The following SH3PXD2B variants were observed in gnomAD, a reference collection of about 807,000 sequenced individuals.
SH3PXD2B encodes SH3 and PX domain-containing protein 2B.
Under a neutral mutation model 73.1 loss-of-function variants are expected in SH3PXD2B, and 37 were observed. That is an observed-to-expected ratio of 0.51 (90% CI 0.39 to 0.67). The LOEUF is 0.67. Among genes scored for constraint, SH3PXD2B ranks in the 30% least tolerant of loss-of-function variants. The pLI is 0.00. For synonymous variants in SH3PXD2B, 457 were observed against 480.5 expected (o/e 0.95, Z 0.64); for missense variants, 1,053 against 1,197.8 (o/e 0.88, Z 1.78).
chr5:172,378,356 A>G (rs1441608791), intron 5 of SH3PXD2B, among the ~76,000 whole-genome samples: 1 of 152,208 alleles, frequency 6.6e-6, no homozygotes, highest in Non-Finnish European at 1.5e-5. Flanking sequence ...CCTCAGGTCC[A>G]TGTACAGGAT....
chr5:172,350,217 G>A (rs1040462567), intron 10 of SH3PXD2B, 146 bp downstream of exon 10: 6 of 731,196 alleles, frequency 8.2e-6, no homozygotes, highest in South Asian at 1.9e-5. Flanking sequence ...TAAGTTACCC[G>A]GGGTTTCTGG....
At position 172,350,493 on chromosome 5, in the gene SH3PXD2B, G is replaced by A. The variant is rs1757136025; in HGVS notation, c.882C>T (p.His294=). The A allele has an allele frequency of 6.2e-7, 1 of 1,614,190 alleles. No individual in the cohort carries two copies. Among genetic ancestry groups the A allele is most frequent in the Non-Finnish European group, 8.5e-7 (1 of 1,180,042 alleles). ...CACCATCCAAGTCAAGGGCACCCGG[G>A]TGGGAGGGTGAGCCAGGGCCTGGCT... ...PPKPGPGSPS[H]PGALDLDGVS... is the part of the protein sequence containing the mutation. The change falls in exon 10 of 13, where the codon CAC becomes CAT. Residue 294 remains histidine (H), a synonymous_variant. Coordinates refer to ENST00000311601, the MANE Select transcript of SH3PXD2B (RefSeq NM_001017995.3).
rs1756621456 is a variant in SH3PXD2B, at chr5:172,333,801, G to A, written c.*4568C>T. The A allele has an allele frequency of 7.8e-7, 1 of 1,289,094 alleles. No homozygotes were observed. The highest frequency in any genetic ancestry group is 1.0e-6 in the Non-Finnish European group (1 of 988,696). The allele number at this position is 1,289,094 out of a possible 1,614,324, so 79.9% of individuals were successfully genotyped here. ...GGAGGTAAGAAATGGCCTGTTACTT[G>A]GAAGCTCCCCAAAGCAGGAAATGTG... On this transcript the variant is annotated 3_prime_UTR_variant, in exon 13 of 13. Coordinates refer to ENST00000311601, the MANE Select transcript of SH3PXD2B (RefSeq NM_001017995.3).
chr5:172,397,254 C>T (rs367635768), intron 3 of SH3PXD2B, among the ~76,000 whole-genome samples: 46 of 152,250 alleles, frequency 3.0e-4, no homozygotes, highest in African/African-American at 7.2e-4. Context: ...AGGAAATTCC[C>T]GCCTAATAAA....
chr5:172,352,310 A>G (rs967065923), intron 9 of SH3PXD2B, among the ~76,000 whole-genome samples: 1 of 152,184 alleles, frequency 6.6e-6, no homozygotes, highest in Non-Finnish European at 1.5e-5. Flanking sequence ...TCGCAGCCTC[A>G]AACTCTTGGG....
In SH3PXD2B at chr5:172,336,890, GA is replaced by G. The variant is rs1235394433; in HGVS notation, c.*1478del. ...ATCTGCCCTGGGTTTCTTCAAGGGA[GA>G]AAACAGATTTGGCAGTGCGTGAAAA... On this transcript the variant is annotated 3_prime_UTR_variant, in exon 13 of 13. Transcript: ENST00000311601. 1.6e-5 allele frequency: 16 copies of G among 985,314 alleles called. No individual in the cohort carries two copies. Among genetic ancestry groups the G allele is most frequent in the Non-Finnish European group, 1.8e-5 (15 of 829,970 alleles). The allele number at this position is 985,314 out of a possible 1,614,324, so 61.0% of individuals were successfully genotyped here.
In SH3PXD2B at chr5:172,394,916, A is replaced by C. The variant is rs528864916; in HGVS notation, c.233-277T>G. ...TAAGGGAGGCTGGAAGCAACTGTGGAAGGAAGCCGCTCCTACCTGATGAAG... is the reference window on the plus strand; with the variant it reads ...TAAGGGAGGCTGGAAGCAACTGTGGCAGGAAGCCGCTCCTACCTGATGAAG... On this transcript the variant is annotated intron_variant, in intron 3 of 12. Transcript: ENST00000311601. 2.6e-5 allele frequency among the ~76,000 whole-genome samples: 4 copies of C among 152,264 alleles called. No homozygotes were observed. In the East Asian group the frequency reaches 7.7e-4, roughly 29 times the overall value.
rs552251117 is a variant in SH3PXD2B, at chr5:172,444,836, G to A, written c.75+9442C>T. The stretch of plus-strand genomic sequence containing the variant: ...TACTCCAGTGACTGCCTCTGGCCCC[G>A]AGCCCTGGCCTCAGCCTTCGTGTGC... On this transcript the variant is annotated intron_variant, in intron 1 of 12. Coordinates refer to ENST00000311601, the MANE Select transcript of SH3PXD2B (RefSeq NM_001017995.3). Among the ~76,000 whole-genome samples, 154 of 152,222 alleles carry A rather than the reference G, an allele frequency of 1.0e-3. 2 individuals are homozygous for A. In the South Asian group the frequency reaches 0.019, roughly 19 times the overall value.
chr5:172,439,702 A>ACG (rs778473286), intron 1 of SH3PXD2B, among the ~76,000 whole-genome samples: 4,503 of 142,580 alleles, frequency 0.032, 92 homozygotes, highest in Non-Finnish European at 0.043. Flanking sequence ...GCACACACAC[A>ACG]CACACACACA....
At chr5:172,385,035 C>T (rs1247654555) in intron 4 of SH3PXD2B, among the ~76,000 whole-genome samples, 9 of 152,302 alleles carry the variant, frequency 5.9e-5, no homozygotes, top group African/African-American at 2.2e-4. Flanking sequence ...GTCCCAGAGA[C>T]AGGAGCAGGC....
intron 10 of SH3PXD2B, among the ~76,000 whole-genome samples, chr5:172,348,675 C>CTATCTATCTTATCT (rs1757073204): frequency 8.8e-5 from 5 of 56,672 alleles, no homozygotes; most frequent in African/African-American, 3.0e-4. Context: ...ATCTATCTAT[C>CTATCTATCTTATCT]TATCTATCTA....
rs551607605 is a variant in SH3PXD2B at position 172,406,173 on chromosome 5, G to A, written c.232+104C>T. The A allele has an allele frequency of 8.0e-6, 10 of 1,257,294 alleles. No individual in the cohort carries two copies. In the African/African-American group the frequency reaches 1.5e-4, roughly 19 times the overall value. The allele number at this position is 1,257,294 out of a possible 1,614,324, so 77.9% of individuals were successfully genotyped here. A position where few individuals can be genotyped will look rare whatever the true frequency, so the allele number is the denominator to read the frequency against. The stretch of plus-strand genomic sequence containing the variant: ...GGCTGAGATTCTGGTCAGTGGGATG[G>A]TGTCCCCTGATAAAGGAAGACAAGC... On this transcript the variant is annotated intron_variant, in intron 3 of 12. Coordinates refer to ENST00000311601, the MANE Select transcript of SH3PXD2B (RefSeq NM_001017995.3).
At chr5:172,411,354 C>T (rs1758687950) in intron 2 of SH3PXD2B, among the ~76,000 whole-genome samples, 1 of 152,180 alleles carries the variant, frequency 6.6e-6, no homozygotes, top group African/African-American at 2.4e-5. Context: ...TCAGAGGGGT[C>T]TCTACTGCCT....
rs1021011726 is a variant in SH3PXD2B, at chr5:172,366,125, G to A, written c.428-3256C>T. Reference sequence around the variant, plus strand: ...GCCCACGTCTTCCAGGCAGGCAGTCGTTGGCTGGTGTGGGGTCAGGGAGTG... The same window carrying A: ...GCCCACGTCTTCCAGGCAGGCAGTCATTGGCTGGTGTGGGGTCAGGGAGTG... On this transcript the variant is annotated intron_variant, in intron 6 of 12. Transcript: ENST00000311601. Among the ~76,000 whole-genome samples, 7 of 152,308 alleles carry A rather than the reference G, an allele frequency of 4.6e-5. No individual in the cohort carries two copies. In the South Asian group the frequency reaches 1.2e-3, roughly 27 times the overall value.
intron 4 of SH3PXD2B, among the ~76,000 whole-genome samples, chr5:172,393,955 T>C (rs1036792563): frequency 2.0e-5 from 3 of 152,158 alleles, no homozygotes; most frequent in African/African-American, 7.2e-5. Context: ...GAGGATTTTT[T>C]TTTTTTTGAG....
intron 10 of SH3PXD2B, 83 bp downstream of exon 10, chr5:172,350,280 T>C: frequency 1.4e-6 from 2 of 1,381,112 alleles, no homozygotes; most frequent in Non-Finnish European, 1.0e-6. Flanking sequence ...GCTGTGAGGA[T>C]GAGGGACGAT....
chr5:172,338,543 C>G lies in SH3PXD2B; in HGVS notation c.2562G>C (p.Leu854Phe). The G allele has an allele frequency of 6.2e-7, 1 of 1,614,206 alleles. No individual in the cohort carries two copies. Among genetic ancestry groups the G allele is most frequent in the Non-Finnish European group, 8.5e-7 (1 of 1,180,024 alleles). Residue 854 changes from leucine (L) to phenylalanine (F), a missense_variant, in exon 13 of 13, where the codon TTG becomes TTC. Transcript: ENST00000311601. The surrounding 1 kb of genome is among the most constrained non-coding windows in gnomAD (Gnocchi z 5.1). ...VPNADGLKDS[L>F]YVAVADFEGD... Reference sequence around the variant, plus strand: ...CTTCAAAGTCGGCCACGGCCACATACAAAGAGTCCTTCAGGCCGTCGGCAT... The same window carrying G: ...CTTCAAAGTCGGCCACGGCCACATAGAAAGAGTCCTTCAGGCCGTCGGCAT...
chr5:172,428,180 T>C (rs1345195686), intron 1 of SH3PXD2B, among the ~76,000 whole-genome samples: 2 of 152,192 alleles, frequency 1.3e-5, no homozygotes, highest in Non-Finnish European at 2.9e-5. Context: ...CTTCAAAACA[T>C]GAGCTGCACA....
intron 2 of SH3PXD2B, among the ~76,000 whole-genome samples, chr5:172,413,602 C>G (rs1475533344): frequency 6.6e-6 from 1 of 152,230 alleles, no homozygotes; most frequent in African/African-American, 2.4e-5. Context: ...GTCAGCCACT[C>G]TCTGGGAAAG....
Sources: gnomAD v4.1 joint callset for allele counts (sites outside exome capture counted in the v4.1 genomes callset) on GRCh38, gnomAD v4.1.1 for gene constraint, Gnocchi (gnomAD v3.1) non-coding constraint, MANE v1.5 for transcripts, NCBI Gene and HGNC (gene_info 2026-07-23, HGNC 2026-07-21) for gene names.